Variants in INTU observed in about 807,000 individuals in gnomAD.
INTU encodes the protein protein inturned.
A neutral mutation model predicts 100.5 loss-of-function variants in INTU; 68 were observed. The ratio of observed to expected loss-of-function variants is 0.68; its 90% CI spans 0.56 to 0.83. INTU has a LOEUF of 0.83. INTU is among the 40% of genes least tolerant of loss of function. The pLI is 0.00. For synonymous variants in INTU, 357 were observed against 395.7 expected, an observed-to-expected ratio of 0.90 and a Z score of 1.16; for missense variants, 1,071 against 1,114.7, an observed-to-expected ratio of 0.96 and a Z score of 0.56.
chr4:127,657,016 T>C (rs558212309), intron 3 of INTU, among the ~76,000 whole-genome samples: 153 of 152,312 alleles, frequency 1.0e-3, no homozygotes, highest in Non-Finnish European at 1.7e-3. Flanking sequence ...TATATGCTTG[T>C]GACAATCTGG....
chr4:127,705,622 A>T lies in INTU; in HGVS notation c.1598A>T (p.Asp533Val). 6.2e-7 allele frequency: 1 copy of T among 1,613,926 alleles called. No individual in the cohort carries two copies. The highest frequency in any genetic ancestry group is 8.5e-7 in the Non-Finnish European group (1 of 1,179,876). ...TTGATATGCAGTCATTTGCCCAAGGATGATCTTATTGATATTGCCGTATAC... is the reference window on the plus strand; with the variant it reads ...TTGATATGCAGTCATTTGCCCAAGGTTGATCTTATTGATATTGCCGTATAC... ...GYLICSHLPK[D>V]DLIDIAVYCR... Residue 533 changes from aspartate (D) to valine (V), a missense_variant, in exon 11 of 16, where the codon GAT becomes GTT. By Grantham distance (152) the Asp-to-Val change is radical. Coordinates refer to ENST00000335251, the MANE Select transcript of INTU (RefSeq NM_015693.4).
intron 7 of INTU, chr4:127,686,057 C>T (rs1729809960): frequency 6.6e-6 from 1 of 152,066 alleles, no homozygotes. Context: ...ATTTTTATAA[C>T]AACTTTTTTT....
At chr4:127,677,764 G>T (rs929903195) in intron 6 of INTU, among the ~76,000 whole-genome samples, 1 of 152,184 alleles carries the variant, frequency 6.6e-6, no homozygotes, top group African/African-American at 2.4e-5. Flanking sequence ...TGACTTTGAC[G>T]AGATGAGAGA....
intron 7 of INTU, 32 bp from the exon 8 acceptor site, chr4:127,687,646 G>A (rs1220890723): frequency 2.0e-5 from 32 of 1,563,082 alleles, no homozygotes; most frequent in Non-Finnish European, 2.6e-5. Flanking sequence ...ATTTCCATAT[G>A]TCGTTCTAAC....
chr4:127,691,752 C>G (rs368044345), intron 8 of INTU, among the ~76,000 whole-genome samples: 5 of 151,734 alleles, frequency 3.3e-5, no homozygotes, highest in Admixed American at 2.0e-4. Context: ...ACCCCCTGCT[C>G]TTTCCCCCAA....
rs772713377 is a variant in INTU, at chr4:127,633,109, A to T, written c.75A>T (p.Glu25Asp). Reference protein sequence around the residue: ...ELPGDPSSQEEDEDYDFEDRV... With the variant: ...ELPGDPSSQEDDEDYDFEDRV... ...CTGGAGACCCCTCTTCACAAGAAGA[A>T]GATGAGGACTATGATTTTGAAGATC... Residue 25 changes from glutamate to aspartate, a missense_variant, in exon 1 of 16, where the codon GAA (glutamate) becomes GAT (aspartate). Transcript: ENST00000335251. 5.1e-5 allele frequency: 83 copies of T among 1,613,986 alleles called. No individual in the cohort carries two copies. The Admixed American group carries it at 1.3e-3, about 26-fold the overall frequency.
intron 1 of INTU, among the ~76,000 whole-genome samples, chr4:127,633,448 C>G (rs1178861609): frequency 1.3e-5 from 2 of 151,940 alleles, no homozygotes; most frequent in Admixed American, 1.3e-4. Context: ...TCTTTTTGGT[C>G]ATGGGCTCTG....
At chr4:127,674,046 A>C (rs1301658311) in intron 5 of INTU, 78 bp from the exon 6 acceptor site, 2 of 878,750 alleles carry the variant, frequency 2.3e-6, no homozygotes, top group Non-Finnish European at 3.4e-6. Flanking sequence ...TACCATATGC[A>C]ATCTTTTATG....
At chr4:127,710,400 C>A (rs1254158963) in intron 13 of INTU, among the ~76,000 whole-genome samples, 2 of 151,996 alleles carry the variant, frequency 1.3e-5, no homozygotes, top group African/African-American at 4.8e-5. Flanking sequence ...CTAAGTCCTA[C>A]CCATTCTGCA....
intron 2 of INTU, among the ~76,000 whole-genome samples, chr4:127,653,966 C>A (rs1490712836): frequency 0.012 from 1,839 of 149,812 alleles, 41 homozygotes; most frequent in African/African-American, 0.044. Context: ...GATCCCTTTA[C>A]CATTATGTAA....
intron 14 of INTU, among the ~76,000 whole-genome samples, chr4:127,712,454 T>A (rs1731127990): frequency 6.6e-6 from 1 of 152,182 alleles, no homozygotes; most frequent in African/African-American, 2.4e-5. Flanking sequence ...GTTTTCCCCA[T>A]CTTATTTAAA....
At chr4:127,679,511 C>T (rs1476288605) in intron 6 of INTU, among the ~76,000 whole-genome samples, 2 of 152,128 alleles carry the variant, frequency 1.3e-5, no homozygotes, top group African/African-American at 2.4e-5. Context: ...CTGCTGGGTA[C>T]ATAATGAAAT....
intron 1 of INTU, among the ~76,000 whole-genome samples, chr4:127,641,263 C>T (rs967981081): frequency 4.6e-5 from 7 of 152,154 alleles, no homozygotes; most frequent in Non-Finnish European, 8.8e-5. Context: ...ACTTAAAACT[C>T]TTTGTTGATG....
chr4:127,713,964 A>G lies in INTU; in HGVS notation c.2588A>G (p.His863Arg), dbSNP rs533761290. The G allele has an allele frequency of 3.4e-5, 54 of 1,611,384 alleles. No homozygotes were observed. The South Asian group carries it at 5.5e-4, about 16-fold the overall frequency. ...EKKKGLNSGD[H>R]SDSAKSVSSL... ...AAGAAAGGACTAAATAGTGGAGACCATTCAGATTCTGCAAAGTCAGTGTCT... is the reference window on the plus strand; with the variant it reads ...AAGAAAGGACTAAATAGTGGAGACCGTTCAGATTCTGCAAAGTCAGTGTCT... The change falls in exon 15 of 16, where the codon CAT becomes CGT. Residue 863 changes from histidine to arginine, a missense_variant. Transcript: ENST00000335251.
At position 127,643,785 on chromosome 4, in the gene INTU, A is replaced by T. The variant is rs1297706144; in HGVS notation, c.411A>T (p.Gly137=). ...ATAAAAAAAATAGCAATGACAATGGACCAGTATCCATTCTAAAGCATCAGT... is the reference window on the plus strand; with the variant it reads ...ATAAAAAAAATAGCAATGACAATGGTCCAGTATCCATTCTAAAGCATCAGT... The part of the protein sequence containing the change: ...RCNKKNSNDN[G]PVSILKHQSN... The change falls in exon 2 of 16, where the codon GGA becomes GGT. Residue 137 remains glycine (G), a synonymous_variant. Coordinates refer to ENST00000335251, the MANE Select transcript of INTU (RefSeq NM_015693.4). The T allele has an allele frequency of 6.2e-7, 1 of 1,614,126 alleles. No homozygotes were observed. Among genetic ancestry groups the T allele is most frequent in the Non-Finnish European group, 8.5e-7 (1 of 1,180,038 alleles).
At chr4:127,691,384 G>T (rs539353652) in intron 8 of INTU, among the ~76,000 whole-genome samples, 2 of 152,238 alleles carry the variant, frequency 1.3e-5, no homozygotes, top group South Asian at 4.2e-4. Context: ...TACCAGCAAT[G>T]AATGAGAGTT....
intron 2 of INTU, among the ~76,000 whole-genome samples, chr4:127,647,066 T>A (rs80108254): frequency 0.014 from 2,101 of 152,280 alleles, 40 homozygotes; most frequent in African/African-American, 0.048. Flanking sequence ...CAAGCCTGAT[T>A]TATTTTTTTC....
At chr4:127,698,356 G>A (rs547351352) in intron 8 of INTU, among the ~76,000 whole-genome samples, 2 of 152,046 alleles carry the variant, frequency 1.3e-5, no homozygotes, top group South Asian at 4.2e-4. Flanking sequence ...CAGCTACTCG[G>A]GAGGCAGAGG....
intron 7 of INTU, among the ~76,000 whole-genome samples, chr4:127,684,879 A>G (rs1380641678): frequency 1.3e-5 from 2 of 151,814 alleles, no homozygotes; most frequent in Non-Finnish European, 2.9e-5. Flanking sequence ...TTCTGATTTG[A>G]TATATTTCTG....
Sources: allele counts gnomAD v4.1 joint callset (sites outside exome capture counted in the v4.1 genomes callset), GRCh38; gene constraint gnomAD v4.1.1; transcripts MANE v1.5; gene names NCBI Gene and HGNC (gene_info 2026-07-23, HGNC 2026-07-21).